Variants in USP7 observed in about 807,000 individuals in gnomAD.
The protein encoded by USP7 is ubiquitin C-terminal hydrolase 7.
In USP7, 9 loss-of-function variants were observed where a neutral mutation model predicts 162.9. The ratio of observed to expected loss-of-function variants is 0.06; its 90% CI spans 0.03 to 0.10. The LOEUF is 0.10. USP7 is among the 10% of genes least tolerant of loss of function. USP7 has a pLI of 1.00. For synonymous variants in USP7, 562 were observed against 475.9 expected, an observed-to-expected ratio of 1.18 and a Z score of -2.35; for missense variants, 715 against 1,373.7, an observed-to-expected ratio of 0.52 and a Z score of 7.58.
At chr16:8,905,376 C>T (rs772902146) in intron 13 of USP7, 45 bp from the exon 14 acceptor site, 89 of 1,604,094 alleles carry the variant, frequency 5.5e-5, no homozygotes, top group Non-Finnish European at 7.6e-5. Context: ...AGCACTGTGA[C>T]AAGTACCCAA....
At position 8,898,419 on chromosome 16, in the gene USP7, C is replaced by G; in HGVS notation, c.2659G>C (p.Asp887His). The G allele has an allele frequency of 6.2e-7, 1 of 1,613,238 alleles. No homozygotes were observed. The highest frequency in any genetic ancestry group is 2.2e-5 in the East Asian group (1 of 44,868). Residue 887 changes from aspartate (D) to histidine (H), a missense_variant, in exon 25 of 31, where the codon GAC (aspartate) becomes CAC (histidine). Coordinates refer to ENST00000344836, the MANE Select transcript of USP7 (RefSeq NM_003470.3). The stretch of plus-strand genomic sequence containing the variant: ...TTAAAACTTCGCCTGTTCTCAAAGT[C>G]TGTGATTTTCATCTTAAGCTATTAA... Reference protein sequence around the residue: ...YYQQLKMKITDFENRRSFKCI... With the variant: ...YYQQLKMKITHFENRRSFKCI...
chr16:8,955,363 G>C (rs935250005), intron 1 of USP7, among the ~76,000 whole-genome samples: 1 of 152,104 alleles, frequency 6.6e-6, no homozygotes, highest in Non-Finnish European at 1.5e-5. Flanking sequence ...TCCCACCTCG[G>C]CCTCCCAAAG....
In USP7 at chr16:8,905,853, A is replaced by C. The variant is rs570550779; in HGVS notation, c.1429-522T>G. Among the ~76,000 whole-genome samples the C allele has an allele frequency of 1.6e-4, 24 of 152,334 alleles. No individual in the cohort carries two copies. The East Asian group carries it at 4.6e-3, about 29-fold the overall frequency. ...TCTGCGTTGTGGATGCAGCCACATT[A>C]AACAGTGATGAACGCTGCTGTTACA... On this transcript the variant is annotated intron_variant, in intron 13 of 30. Coordinates refer to ENST00000344836, the MANE Select transcript of USP7 (RefSeq NM_003470.3).
chr16:8,898,832 C>A (rs1004746605), intron 23 of USP7, 193 bp from the exon 24 acceptor site: 6 of 614,642 alleles, frequency 9.8e-6, no homozygotes, highest in African/African-American at 9.2e-5. Context: ...ATGCTCTCTG[C>A]AATAGTGACA....
chr16:8,932,522 G>A (rs1378378406), intron 1 of USP7, among the ~76,000 whole-genome samples: 1 of 152,146 alleles, frequency 6.6e-6, no homozygotes, highest in African/African-American at 2.4e-5. Context: ...GAACTCAGAT[G>A]TACACTCAAG....
chr16:8,915,626 TAGACTATAAAAATATGACCTCTGGC>T, intron 8 of USP7, 101 bp from the exon 9 acceptor site: 2 of 1,066,438 alleles, frequency 1.9e-6, no homozygotes, highest in South Asian at 3.0e-5. Flanking sequence ...AAAGAAGTTG[TAGACTATAAAAATATGACCTCTGGC>T]ATGCAATTCT....
At position 8,898,460 on chromosome 16, in the gene USP7, C is replaced by T. The variant is rs763307116; in HGVS notation, c.2641-23G>A. 14 of 1,608,850 alleles carry T rather than the reference C, an allele frequency of 8.7e-6. No individual in the cohort carries two copies. In the Admixed American group the frequency reaches 1.9e-4, roughly 21 times the overall value. ...AAGCTATTAAGAAAAGAAAGATTCA[C>T]ATCAGATACCGTCACCAAAACCCCG... is the stretch of plus-strand genomic sequence containing the variant. On this transcript the variant is annotated intron_variant, in intron 24 of 30. Coordinates refer to ENST00000344836, the MANE Select transcript of USP7 (RefSeq NM_003470.3).
At chr16:8,910,179 A>C (rs1295334207) in intron 11 of USP7, among the ~76,000 whole-genome samples, 1 of 152,104 alleles carries the variant, frequency 6.6e-6, no homozygotes, top group East Asian at 1.9e-4. Context: ...GACACTGCAG[A>C]TCCAACAGAC....
intron 1 of USP7, among the ~76,000 whole-genome samples, chr16:8,933,580 A>C (rs1898501756): frequency 6.6e-6 from 1 of 152,166 alleles, no homozygotes; most frequent in Admixed American, 6.5e-5. Flanking sequence ...TAGTTTCTTC[A>C]CTGTATATGC....
chr16:8,928,345 AG>A (rs996820275), intron 2 of USP7, among the ~76,000 whole-genome samples: 11 of 152,206 alleles, frequency 7.2e-5, no homozygotes, highest in African/African-American at 2.7e-4. Flanking sequence ...ACTCAAAAAA[AG>A]GGGGAGCTCT....
At chr16:8,955,206 G>C (rs1899736284) in intron 1 of USP7, among the ~76,000 whole-genome samples, 1 of 152,072 alleles carries the variant, frequency 6.6e-6, no homozygotes, top group African/African-American at 2.4e-5. Flanking sequence ...TTCTCTTTCC[G>C]TATGGCTCGT....
chr16:8,896,137 CTTTT>C (rs60467243), intron 26 of USP7, among the ~76,000 whole-genome samples: 4 of 126,136 alleles, frequency 3.2e-5, no homozygotes, highest in African/African-American at 1.2e-4. Flanking sequence ...CCATGCCCAG[CTTTT>C]TTTTTTTTTT....
intron 14 of USP7, 25 bp downstream of exon 14, chr16:8,905,162 C>G (rs764875163): frequency 6.2e-7 from 1 of 1,607,324 alleles, no homozygotes; most frequent in Non-Finnish European, 8.5e-7. Context: ...CAGTAAAGAA[C>G]AGAACAAAAG....
At chr16:8,899,983 C>T (rs2061748377) in intron 21 of USP7, 1 of 600,400 alleles carries the variant, frequency 1.7e-6, no homozygotes, top group Non-Finnish European at 2.9e-6. Flanking sequence ...GCTTTACATT[C>T]TCATCCCACT....
rs112677679 is a variant in USP7, at chr16:8,948,967, GA to G, written c.79+14239del. Among the ~76,000 whole-genome samples, 1,329 of 147,392 alleles carry G rather than the reference GA, an allele frequency of 9.0e-3. 17 individuals are homozygous for G. The highest frequency in any genetic ancestry group is 0.031 in the African/African-American group (1,258 of 40,198). ...TGACAAGATCTTGTCTCCCAAAGGG[GA>G]AAAAAAAAAGCTTACACAGTCTATG... is the stretch of plus-strand genomic sequence containing the variant. On this transcript the variant is annotated intron_variant, in intron 1 of 30. Transcript: ENST00000344836.
intron 2 of USP7, among the ~76,000 whole-genome samples, chr16:8,924,567 A>G (rs527311736): frequency 1.8e-4 from 27 of 152,348 alleles, no homozygotes; most frequent in Non-Finnish European, 2.4e-4. Flanking sequence ...GCTTGGGTAA[A>G]GAGTGCCTAA....
At chr16:8,940,532 G>A (rs1898991814) in intron 1 of USP7, among the ~76,000 whole-genome samples, 1 of 152,204 alleles carries the variant, frequency 6.6e-6, no homozygotes, top group Non-Finnish European at 1.5e-5. Flanking sequence ...CAGGGCGGGA[G>A]GTGGGGCAGT....
rs1300834863 is a variant in USP7 at position 8,917,043 on chromosome 16, C to CT, written c.833dup (p.Leu279ValfsTer12). The CT allele has an allele frequency of 6.3e-7, 1 of 1,583,586 alleles. No individual in the cohort carries two copies. The highest frequency in any genetic ancestry group is 8.6e-7 in the Non-Finnish European group (1 of 1,164,588). On this transcript the variant is annotated frameshift_variant, in exon 7 of 31. Transcript: ENST00000344836. LOFTEE classifies it high-confidence loss of function. ...ATACATACCCAAATGACTTTGTTAA[C>CT]TTTTTTGTTCCTACAGGTTTATCAC...
intron 1 of USP7, among the ~76,000 whole-genome samples, 161 bp downstream of exon 1, chr16:8,963,046 C>T (rs2141272521): frequency 1.1e-5 from 1 of 87,728 alleles, no homozygotes; most frequent in African/African-American, 4.4e-5. Flanking sequence ...CCCGGCATGA[C>T]TTTGCAGCCT....
Sources: gnomAD v4.1 joint callset for allele counts (sites outside exome capture counted in the v4.1 genomes callset) on GRCh38, gnomAD v4.1.1 for gene constraint, MANE v1.5 for transcripts, NCBI Gene and HGNC (gene_info 2026-07-23, HGNC 2026-07-21) for gene names.